GPR39: variants seen among roughly 807,000 people sequenced by gnomAD.
GPR39 encodes G protein-coupled receptor 39.
In GPR39, 23 loss-of-function variants were observed where a neutral mutation model predicts 18.4. That is an observed-to-expected ratio of 1.25 (90% confidence interval 0.90 to 1.77). The LOEUF (loss-of-function observed/expected upper bound fraction) is 1.77, where lower values mean the gene tolerates loss of function less well. Ranked by LOEUF, GPR39 falls within the 40% of genes most tolerant of loss-of-function variation. The pLI is 0.00. For synonymous variants in GPR39, 280 were observed against 257.9 expected (o/e 1.09, Z -0.82); for missense variants, 647 against 602.4 (o/e 1.07, Z -0.78).
intron 1 of GPR39, among the ~76,000 whole-genome samples, chr2:132,504,684 G>A (rs369012488): frequency 1.1e-4 from 17 of 152,212 alleles, no homozygotes; most frequent in African/African-American, 4.1e-4. Context: ...GGCATATTTT[G>A]TGTTTGCACA....
At chr2:132,453,713 C>T (rs925691229) in intron 1 of GPR39, among the ~76,000 whole-genome samples, 2 of 152,148 alleles carry the variant, frequency 1.3e-5, no homozygotes, top group East Asian at 1.9e-4. Flanking sequence ...GTCAGTTTTC[C>T]CAGCACCATT....
At chr2:132,496,434 G>T (rs1300853481) in intron 1 of GPR39, among the ~76,000 whole-genome samples, 1 of 152,120 alleles carries the variant, frequency 6.6e-6, no homozygotes, top group Non-Finnish European at 1.5e-5. Flanking sequence ...GGAAGTGCCT[G>T]GTCCCCTCCC....
intron 1 of GPR39, among the ~76,000 whole-genome samples, chr2:132,547,116 C>T (rs1452942190): frequency 1.3e-5 from 2 of 152,104 alleles, no homozygotes; most frequent in Non-Finnish European, 2.9e-5. Flanking sequence ...CCACTAATTG[C>T]ATTATAAGGA....
chr2:132,627,864 C>T (rs980092411), intron 1 of GPR39, among the ~76,000 whole-genome samples: 1 of 152,196 alleles, frequency 6.6e-6, no homozygotes, highest in African/African-American at 2.4e-5. Context: ...ATCCCCCTTT[C>T]CTCATTTACA....
intron 1 of GPR39, among the ~76,000 whole-genome samples, chr2:132,565,489 C>T (rs1435479583): frequency 8.0e-5 from 12 of 149,544 alleles, no homozygotes; most frequent in African/African-American, 2.5e-4. Flanking sequence ...CATGCTGGTG[C>T]GCTGCATCCA....
At chr2:132,614,182 T>TTTTGTTTTTGTTTTTGTTTTGTTTTG (rs1553460242) in intron 1 of GPR39, among the ~76,000 whole-genome samples, 2 of 151,914 alleles carry the variant, frequency 1.3e-5, no homozygotes, top group Non-Finnish European at 2.9e-5. Context: ...GCTTGCTTTT[T>TTTTGTTTTTGTTTTTGTTTTGTTTTG]TTTTTGTTTT....
At chr2:132,598,355 T>C (rs990491223) in intron 1 of GPR39, among the ~76,000 whole-genome samples, 1 of 146,792 alleles carries the variant, frequency 6.8e-6, no homozygotes, top group Non-Finnish European at 1.5e-5. Context: ...TGGATAAGAA[T>C]CACCAAGGGA....
chr2:132,611,778 T>C (rs574316960), intron 1 of GPR39, among the ~76,000 whole-genome samples: 2 of 152,310 alleles, frequency 1.3e-5, no homozygotes, highest in Non-Finnish European at 2.9e-5. Flanking sequence ...CTTTCTTTCT[T>C]TTTTGATTGA....
intron 1 of GPR39, among the ~76,000 whole-genome samples, chr2:132,619,074 C>T (rs1681388572): frequency 6.6e-6 from 1 of 152,184 alleles, no homozygotes; most frequent in South Asian, 2.1e-4. Context: ...TGCTACACCC[C>T]CACAGGCCCT....
At chr2:132,590,783 C>T (rs1475810871) in intron 1 of GPR39, among the ~76,000 whole-genome samples, 1 of 151,170 alleles carries the variant, frequency 6.6e-6, no homozygotes, top group African/African-American at 2.4e-5. Flanking sequence ...TATTGAGTGT[C>T]AACTTGACTG....
intron 1 of GPR39, among the ~76,000 whole-genome samples, chr2:132,633,510 T>G (rs955322780): frequency 3.9e-5 from 6 of 152,096 alleles, no homozygotes; most frequent in African/African-American, 1.4e-4. Context: ...AGAATAACCC[T>G]GAGAAAGTCA....
At chr2:132,492,781 CCA>C (rs1558814637) in intron 1 of GPR39, among the ~76,000 whole-genome samples, 6 of 17,342 alleles carry the variant, frequency 3.5e-4, no homozygotes, top group African/African-American at 4.1e-4. Context: ...CATATATATA[CCA>C]TATATATACC....
chr2:132,426,313 G>A (rs369088765), intron 1 of GPR39, among the ~76,000 whole-genome samples: 62 of 152,312 alleles, frequency 4.1e-4, no homozygotes, highest in African/African-American at 1.4e-3. Flanking sequence ...AAAATTTGTG[G>A]GTTTGAGTCC....
chr2:132,622,716 G>T (rs1681464476), intron 1 of GPR39, among the ~76,000 whole-genome samples: 1 of 152,204 alleles, frequency 6.6e-6, no homozygotes, highest in Non-Finnish European at 1.5e-5. Flanking sequence ...ATTTGGAGTT[G>T]ATAGAAAGGA....
chr2:132,472,343 AT>A (rs1681047445), intron 1 of GPR39, among the ~76,000 whole-genome samples: 1 of 152,126 alleles, frequency 6.6e-6, no homozygotes, highest in South Asian at 2.1e-4. Context: ...TTCCAGGTGT[AT>A]TCCATCCAGC....
chr2:132,592,940 C>A (rs952574576), intron 1 of GPR39, among the ~76,000 whole-genome samples: 16 of 152,204 alleles, frequency 1.1e-4, no homozygotes, highest in Admixed American at 3.9e-4. Flanking sequence ...ACCTTCACTT[C>A]TAACCAGCTG....
chr2:132,628,110 C>T (rs758437505), intron 1 of GPR39, among the ~76,000 whole-genome samples: 7 of 152,170 alleles, frequency 4.6e-5, no homozygotes, highest in Non-Finnish European at 1.0e-4. Context: ...TGGACTGCCC[C>T]CAGCCCCCAA....
At chr2:132,444,849 A>G (rs752604690) in intron 1 of GPR39, among the ~76,000 whole-genome samples, 12 of 152,176 alleles carry the variant, frequency 7.9e-5, no homozygotes, top group Non-Finnish European at 1.3e-4. Flanking sequence ...AAAAGCTGAA[A>G]ACATCAGAGA....
intron 1 of GPR39, among the ~76,000 whole-genome samples, chr2:132,631,168 G>T (rs1041393842): frequency 6.6e-6 from 1 of 152,174 alleles, no homozygotes; most frequent in Admixed American, 6.5e-5. Context: ...TATCAAGTGA[G>T]ATAACAGATG....
Sources: gnomAD v4.1 joint callset for allele counts (sites outside exome capture counted in the v4.1 genomes callset) on GRCh38, gnomAD v4.1.1 for gene constraint, MANE v1.5 for transcripts, NCBI Gene and HGNC (gene_info 2026-07-23, HGNC 2026-07-21) for gene names.